Variants in SEL1L2 observed in about 807,000 individuals in gnomAD.
SEL1L2 encodes protein sel-1 homolog 2.
A neutral mutation model predicts 98.8 loss-of-function variants in SEL1L2; 89 were observed. That is an observed-to-expected ratio of 0.90 (90% confidence interval 0.76 to 1.07). SEL1L2 has a LOEUF of 1.07. Ranked by LOEUF, SEL1L2 falls within the 50% of genes least tolerant of loss-of-function variation. SEL1L2 has a pLI of 0.00. For missense variants in SEL1L2, 788 were observed against 812.0 expected (o/e 0.97, Z 0.36); for synonymous variants, 262 against 278.5 (o/e 0.94, Z 0.59).
chr20:13,877,670 A>G, intron 10 of SEL1L2, 82 bp from the exon 11 acceptor site: 4 of 1,061,600 alleles, frequency 3.8e-6, no homozygotes, highest in Non-Finnish European at 5.8e-6. Flanking sequence ...TTTATTCAAT[A>G]TGCATTCAAA....
At position 13,917,152 on chromosome 20, in the gene SEL1L2, G is replaced by C. The variant is rs572651430; in HGVS notation, c.386+1869C>G. Among the ~76,000 whole-genome samples, 5 of 152,230 alleles carry C rather than the reference G, an allele frequency of 3.3e-5. No individual in the cohort carries two copies. In the East Asian group the frequency reaches 7.7e-4, roughly 24 times the overall value. ...GTTAGGGGTCATCTGAAATCTCAGGGACCAGCCCCTGACTGGCGCTCCACA... is the reference window on the plus strand; with the variant it reads ...GTTAGGGGTCATCTGAAATCTCAGGCACCAGCCCCTGACTGGCGCTCCACA... On this transcript the variant is annotated intron_variant, in intron 4 of 19. Transcript: ENST00000284951.
chr20:13,919,623 T>C (rs1462506562), intron 3 of SEL1L2, among the ~76,000 whole-genome samples: 1 of 152,232 alleles, frequency 6.6e-6, no homozygotes, highest in South Asian at 2.1e-4. Flanking sequence ...GGGAATTGCT[T>C]TATAAATTTC....
chr20:13,903,738 G>A (rs1011645232), intron 5 of SEL1L2, among the ~76,000 whole-genome samples: 2 of 152,102 alleles, frequency 1.3e-5, no homozygotes, highest in Admixed American at 1.3e-4. Flanking sequence ...TTGAACCCGG[G>A]GGGGAGACGG....
intron 5 of SEL1L2, among the ~76,000 whole-genome samples, chr20:13,907,534 AC>A (rs1481129223): frequency 2.0e-5 from 3 of 152,136 alleles, no homozygotes; most frequent in African/African-American, 7.2e-5. Flanking sequence ...GCGCCCCTGC[AC>A]TCTAGCCTGG....
At chr20:13,849,688 C>T in intron 19 of SEL1L2, 84 bp from the exon 20 acceptor site, 1 of 1,501,082 alleles carries the variant, frequency 6.7e-7, no homozygotes, top group Non-Finnish European at 9.1e-7. Context: ...AACCCACCAC[C>T]ACCAACCCTC....
intron 1 of SEL1L2, among the ~76,000 whole-genome samples, chr20:13,971,133 T>A (rs1002942807): frequency 6.6e-6 from 1 of 151,734 alleles, no homozygotes. Flanking sequence ...GGCTCTTTTT[T>A]AAAAAAAATC....
chr20:13,957,261 C>T (rs184502304), intron 1 of SEL1L2, among the ~76,000 whole-genome samples: 26 of 152,206 alleles, frequency 1.7e-4, no homozygotes, highest in Non-Finnish European at 3.5e-4. Flanking sequence ...CCACTGCCCC[C>T]AGCTAATTTT....
At chr20:13,914,544 A>T (rs2048324606) in intron 4 of SEL1L2, among the ~76,000 whole-genome samples, 1 of 152,184 alleles carries the variant, frequency 6.6e-6, no homozygotes, top group African/African-American at 2.4e-5. Flanking sequence ...CCTGGTTCAA[A>T]TCCTGGTCCC....
At chr20:13,965,132 G>C (rs76432837) in intron 1 of SEL1L2, among the ~76,000 whole-genome samples, 1 of 9,636 alleles carries the variant, frequency 1.0e-4, no homozygotes, top group Admixed American at 1.5e-3. Flanking sequence ...AAGTAGGAAG[G>C]GATACTGATT....
intron 1 of SEL1L2, among the ~76,000 whole-genome samples, chr20:13,969,240 C>A (rs145728757): frequency 8.7e-4 from 132 of 152,254 alleles, no homozygotes; most frequent in African/African-American, 3.1e-3. Context: ...CCAATGTCCC[C>A]ACAAACTAAA....
rs147281409 is a variant in SEL1L2 at position 13,897,809 on chromosome 20, G to A, written c.550-9297C>T. On this transcript the variant is annotated intron_variant, in intron 5 of 19. Transcript: ENST00000284951. ...GAACCCAAAAGGTGGAGGTTGAAGT[G>A]AGCCAAGATCGTGCCACTGCACTCC... Among the ~76,000 whole-genome samples, 235 of 152,138 alleles carry A rather than the reference G, an allele frequency of 1.5e-3. 1 individual carries two copies. The highest frequency in any genetic ancestry group is 0.014 in the East Asian group (72 of 5,174).
intron 5 of SEL1L2, among the ~76,000 whole-genome samples, chr20:13,904,934 G>GAA (rs2047855614): frequency 6.6e-6 from 1 of 152,160 alleles, no homozygotes; most frequent in Admixed American, 6.5e-5. Context: ...TTTGTGCGGT[G>GAA]CCTGGCAAAC....
chr20:13,947,578 A>G (rs6042446), intron 2 of SEL1L2, among the ~76,000 whole-genome samples: 137,078 of 152,198 alleles, frequency 0.9, 61,912 homozygotes, highest in East Asian at 1. Flanking sequence ...TGAATGGTGG[A>G]ATTGAAAGAG....
intron 1 of SEL1L2, among the ~76,000 whole-genome samples, chr20:13,983,050 C>T (rs1395632283): frequency 3.8e-5 from 1 of 26,092 alleles, no homozygotes; most frequent in Non-Finnish European, 1.2e-4. Context: ...AAAAAAAAAG[C>T]AGCAGCCAAG....
chr20:13,931,580 A>T (rs1305540844), intron 3 of SEL1L2, 23 bp downstream of exon 3: 1 of 1,258,666 alleles, frequency 7.9e-7, no homozygotes, highest in Non-Finnish European at 1.1e-6. Flanking sequence ...TTAAATTTAC[A>T]TGTGAAAAGA....
intron 10 of SEL1L2, among the ~76,000 whole-genome samples, chr20:13,879,768 A>T (rs2048677668): frequency 6.6e-6 from 1 of 152,214 alleles, no homozygotes; most frequent in Non-Finnish European, 1.5e-5. Flanking sequence ...TGTCAGCTGG[A>T]GAGGAGAAAG....
chr20:13,985,087 G>A (rs970414799), intron 1 of SEL1L2, among the ~76,000 whole-genome samples: 9 of 151,896 alleles, frequency 5.9e-5, no homozygotes, highest in African/African-American at 1.2e-4. Flanking sequence ...TTAACCAACC[G>A]TTGGATATCC....
chr20:13,855,446 C>T (rs777290399), intron 18 of SEL1L2, among the ~76,000 whole-genome samples: 7 of 151,820 alleles, frequency 4.6e-5, no homozygotes, highest in Non-Finnish European at 7.4e-5. Context: ...GTGGGTAGGA[C>T]GGAGGAGGTA....
intron 4 of SEL1L2, chr20:13,915,000 G>C: frequency 1.2e-6 from 1 of 804,550 alleles, no homozygotes; most frequent in South Asian, 1.9e-5. Flanking sequence ...TTATAACTTC[G>C]TTTTGAAGGT....
Sources: allele counts gnomAD v4.1 joint callset (sites outside exome capture counted in the v4.1 genomes callset), GRCh38; gene constraint gnomAD v4.1.1; transcripts MANE v1.5; gene names NCBI Gene and HGNC (gene_info 2026-07-23, HGNC 2026-07-21).